CA12: variants seen among roughly 807,000 people sequenced by gnomAD.
CA12 encodes carbonic anhydrase 12.
Under a neutral mutation model 46.8 loss-of-function variants are expected in CA12, and 36 were observed. The observed-to-expected ratio is 0.77, with a 90% CI of 0.59 to 1.02. CA12 has a LOEUF of 1.02. Ranked by LOEUF, CA12 falls within the 50% of genes least tolerant of loss-of-function variation. The pLI is 0.00. For synonymous variants in CA12, 202 were observed against 187.0 expected (o/e 1.08, Z -0.65); for missense variants, 436 against 451.4 (o/e 0.97, Z 0.31).
intron 2 of CA12, 169 bp downstream of exon 2, chr15:63,375,489 G>A (rs1367293701): frequency 1.7e-5 from 10 of 581,322 alleles, no homozygotes; most frequent in Non-Finnish European, 3.1e-5. Context: ...TGCAACCCAA[G>A]TTGAAGTGTT....
In CA12 at chr15:63,339,245, G is replaced by T. The variant is rs1166255318; in HGVS notation, c.748-300C>A. Among the ~76,000 whole-genome samples, 1 of 67,488 alleles carries T rather than the reference G, an allele frequency of 1.5e-5. No individual in the cohort carries two copies. Among genetic ancestry groups the T allele is most frequent in the Non-Finnish European group, 2.9e-5 (1 of 34,144 alleles). 44.3% of individuals were successfully genotyped at this position (67,488 alleles called of 152,430 possible). A position where few individuals can be genotyped will look rare whatever the true frequency, so the allele number is the denominator to read the frequency against. The stretch of plus-strand genomic sequence containing the variant: ...TGCCCTGCGTGGAGGGAAACCTGGG[G>T]TGATGGAGTGCTCCTTAACCTCCAC... On this transcript the variant is annotated intron_variant, in intron 7 of 10. Transcript: ENST00000178638. The surrounding 1 kb of genome is among the most constrained non-coding windows in gnomAD (Gnocchi z 4.3).
At position 63,327,111 on chromosome 15, in the gene CA12, T is replaced by A. The variant is rs1210023412; in HGVS notation, c.992+38A>T. ...AGGCAGACTAATCATCATGGACACA[T>A]AGCTGTCCATTCCCATTTTGGACCC... On this transcript the variant is annotated intron_variant, in intron 10 of 10. Coordinates refer to ENST00000178638, the MANE Select transcript of CA12 (RefSeq NM_001218.5). The surrounding 1 kb of genome is among the most constrained non-coding windows in gnomAD (Gnocchi z 4.5). 6.5e-7 allele frequency: 1 copy of A among 1,549,516 alleles called. No homozygotes were observed. Among genetic ancestry groups the A allele is most frequent in the African/African-American group, 1.4e-5 (1 of 73,616 alleles).
At chr15:63,346,731 C>A in intron 2 of CA12, 22 bp from the exon 3 acceptor site, 1 of 1,613,298 alleles carries the variant, frequency 6.2e-7, no homozygotes, top group South Asian at 1.1e-5. Flanking sequence ...GATCCATGCT[C>A]AAGATTTAGA....
chr15:63,332,606 CA>C (rs1444821560), intron 8 of CA12, among the ~76,000 whole-genome samples: 2 of 152,216 alleles, frequency 1.3e-5, no homozygotes, highest in Non-Finnish European at 2.9e-5. Flanking sequence ...ACAGAAGGCA[CA>C]ACAGCATCTC....
chr15:63,367,073 A>G (rs538471565), intron 2 of CA12, among the ~76,000 whole-genome samples: 63 of 151,842 alleles, frequency 4.1e-4, no homozygotes, highest in African/African-American at 1.5e-3. Flanking sequence ...CGCACATGCC[A>G]CAATGCCTGG....
Position 63,340,754 on chromosome 15 carries a change from C to A in CA12, c.555G>T (p.Lys185Asn). 1.2e-6 allele frequency: 2 copies of A among 1,614,218 alleles called. No individual in the cohort carries two copies. The highest frequency in any genetic ancestry group is 1.7e-6 in the Non-Finnish European group (2 of 1,180,040). The change falls in exon 6 of 11, where the codon AAG (lysine) becomes AAT (asparagine). Residue 185 changes from lysine to asparagine, a missense_variant. Lys to Asn is a moderately conservative substitution (Grantham distance 94, BLOSUM62 0). Transcript: ENST00000178638. This position sits in a 1 kb window ranked among gnomAD's most constrained non-coding sequence, Gnocchi z 4.4. ...EMGSFNPSYDKIFSHLQHVKY... is the reference protein window; with the variant it reads ...EMGSFNPSYDNIFSHLQHVKY... Reference sequence around the variant, plus strand: ...TTACATGTTGAAGGTGACTGAAGATCTTGTCATAGGACGGATTGAAGGAGC... The same window carrying A: ...TTACATGTTGAAGGTGACTGAAGATATTGTCATAGGACGGATTGAAGGAGC...
intron 4 of CA12, among the ~76,000 whole-genome samples, chr15:63,344,148 C>T (rs775679048): frequency 2.0e-5 from 3 of 152,208 alleles, no homozygotes; most frequent in Non-Finnish European, 4.4e-5. Context: ...AATGCAGATT[C>T]GCTGAGCTAG....
At chr15:63,381,037 G>A (rs1177369410) in intron 1 of CA12, among the ~76,000 whole-genome samples, 1 of 150,756 alleles carries the variant, frequency 6.6e-6, no homozygotes, top group African/African-American at 2.4e-5. Context: ...GTGTGTGTGT[G>A]TGGTTTGTGT....
intron 1 of CA12, among the ~76,000 whole-genome samples, chr15:63,377,988 G>C (rs2039598281): frequency 6.6e-6 from 1 of 152,202 alleles, no homozygotes; most frequent in Admixed American, 6.5e-5. Context: ...TTAGTGCCAT[G>C]AACTTAGGGA....
Position 63,372,371 on chromosome 15 carries a change from C to T in CA12, c.106+3287G>A, listed in dbSNP as rs2039518639. On this transcript the variant is annotated intron_variant, in intron 2 of 10. Transcript: ENST00000178638. This position sits in a 1 kb window ranked among gnomAD's most constrained non-coding sequence, Gnocchi z 4.5. ...CTAGGAGGGGCTCAAAGAGGTGGCG[C>T]TGGCCCCATCTTGGCAGTCAGATGG... is the stretch of plus-strand genomic sequence containing the variant. Among the ~76,000 whole-genome samples the T allele has an allele frequency of 6.6e-6, 1 of 152,246 alleles. No individual in the cohort carries two copies. Among genetic ancestry groups the T allele is most frequent in the African/African-American group, 2.4e-5 (1 of 41,458 alleles).
chr15:63,331,517 G>A lies in CA12; in HGVS notation c.875-3387C>T, dbSNP rs529977993. Among the ~76,000 whole-genome samples the A allele has an allele frequency of 1.4e-3, 206 of 152,330 alleles. No homozygotes were observed. Among genetic ancestry groups the A allele is most frequent in the African/African-American group, 4.5e-3 (187 of 41,576 alleles). On this transcript the variant is annotated intron_variant, in intron 8 of 10. Transcript: ENST00000178638. This position sits in a 1 kb window ranked among gnomAD's most constrained non-coding sequence, Gnocchi z 5.3. ...ACAGAGGTGGCCCACGAGAGGCATC[G>A]AGTGGCAGCCCAACAGAAGGAGCTC...
intron 2 of CA12, among the ~76,000 whole-genome samples, chr15:63,353,170 T>C (rs1294725356): frequency 6.6e-6 from 1 of 152,116 alleles, no homozygotes. Context: ...AATTGCAATC[T>C]GCAATGAGCG....
rs2039652546 is a variant in CA12 at position 63,381,843 on chromosome 15, C to T, written c.-123G>A. 2 of 539,904 alleles carry T rather than the reference C, an allele frequency of 3.7e-6. No individual in the cohort carries two copies. The highest frequency in any genetic ancestry group is 3.0e-5 in the South Asian group (1 of 32,972). The allele number at this position is 539,904 out of a possible 1,614,324, so 33.4% of individuals were successfully genotyped here. A position where few individuals can be genotyped will look rare whatever the true frequency, so the allele number is the denominator to read the frequency against. ...GGGTGCCGTGGCGAGTACGTCCGCCCTTCGCTCTCCTGGCTTCCCCGGGCA... is the reference window on the plus strand; with the variant it reads ...GGGTGCCGTGGCGAGTACGTCCGCCTTTCGCTCTCCTGGCTTCCCCGGGCA... On this transcript the variant is annotated 5_prime_UTR_variant, in exon 1 of 11. Coordinates refer to ENST00000178638, the MANE Select transcript of CA12 (RefSeq NM_001218.5).
rs1437148181 is a variant in CA12 at position 63,330,100 on chromosome 15, C to T, written c.875-1970G>A. Among the ~76,000 whole-genome samples the T allele has an allele frequency of 6.6e-6, 1 of 152,238 alleles. No individual in the cohort carries two copies. The highest frequency in any genetic ancestry group is 1.5e-5 in the Non-Finnish European group (1 of 68,044). On this transcript the variant is annotated intron_variant, in intron 8 of 10. Coordinates refer to ENST00000178638, the MANE Select transcript of CA12 (RefSeq NM_001218.5). The surrounding 1 kb of genome is among the most constrained non-coding windows in gnomAD (Gnocchi z 4.0). Reference sequence around the variant, plus strand: ...CACCACCACCAGCTGCTCATGACCTCCCAAGTGGCAGAGTGGCTCCACTGG... The same window carrying T: ...CACCACCACCAGCTGCTCATGACCTTCCAAGTGGCAGAGTGGCTCCACTGG...
intron 2 of CA12, among the ~76,000 whole-genome samples, chr15:63,356,569 G>A (rs191928540): frequency 3.5e-5 from 3 of 86,030 alleles, no homozygotes; most frequent in African/African-American, 1.4e-4. Flanking sequence ...TGTTGCCCAA[G>A]CTGGAATGCA....
rs940866704 is a variant in CA12 at position 63,378,445 on chromosome 15, A to G, written c.86-2767T>C. 1.2e-4 allele frequency among the ~76,000 whole-genome samples: 19 copies of G among 152,244 alleles called. No individual in the cohort carries two copies. Among genetic ancestry groups the G allele is most frequent in the African/African-American group, 4.1e-4 (17 of 41,532 alleles). ...AAGTTTTATATACAAGTCATTTCAG[A>G]AGGTCCACAGACTCCCCTGAAACCA... On this transcript the variant is annotated intron_variant, in intron 1 of 10. Coordinates refer to ENST00000178638, the MANE Select transcript of CA12 (RefSeq NM_001218.5). This position sits in a 1 kb window ranked among gnomAD's most constrained non-coding sequence, Gnocchi z 4.8.
intron 4 of CA12, among the ~76,000 whole-genome samples, chr15:63,342,772 A>T (rs552902264): frequency 6.6e-6 from 1 of 152,232 alleles, no homozygotes; most frequent in East Asian, 1.9e-4. Context: ...TTTTTGGTTT[A>T]CACAACCCAT....
chr15:63,350,369 A>G (rs1404113080), intron 2 of CA12, among the ~76,000 whole-genome samples: 3 of 152,220 alleles, frequency 2.0e-5, no homozygotes, highest in African/African-American at 4.8e-5. Context: ...TTTCACACTC[A>G]TGCCAAGTGC....
At chr15:63,353,267 C>A (rs1226970835) in intron 2 of CA12, among the ~76,000 whole-genome samples, 1 of 151,992 alleles carries the variant, frequency 6.6e-6, no homozygotes, top group Non-Finnish European at 1.5e-5. Flanking sequence ...CCAGAGGAGG[C>A]GCCGTTAAAG....
Sources: allele counts gnomAD v4.1 joint callset (sites outside exome capture counted in the v4.1 genomes callset), GRCh38; gene constraint gnomAD v4.1.1; non-coding constraint Gnocchi (gnomAD v3.1); transcripts MANE v1.5; gene names NCBI Gene and HGNC (gene_info 2026-07-23, HGNC 2026-07-21).